Variants in HYDIN observed in about 807,000 individuals in gnomAD.
HYDIN encodes the protein HYDIN axonemal central pair apparatus protein, also known as axonemal central pair apparatus protein HYDIN.
A neutral mutation model predicts 403.9 loss-of-function variants in HYDIN; 132 were observed. The ratio of observed to expected loss-of-function variants is 0.33; its 90% confidence interval spans 0.28 to 0.38. The LOEUF (loss-of-function observed/expected upper bound fraction) is 0.38, where lower values mean the gene tolerates loss of function less well. Among genes scored for constraint, HYDIN ranks in the 10% least tolerant of loss-of-function variants. The pLI is 1.00. For missense variants in HYDIN, 2,827 were observed against 5,009.5 expected, an observed-to-expected ratio of 0.56 and a Z score of 13.15; for synonymous variants, 1,202 against 1,891.7, an observed-to-expected ratio of 0.64 and a Z score of 9.46.
At chr16:71,070,391 T>A (rs1430348724) in intron 13 of HYDIN, among the ~76,000 whole-genome samples, 2 of 149,622 alleles carry the variant, frequency 1.3e-5, no homozygotes, top group Non-Finnish European at 3.0e-5. Flanking sequence ...CAATCTTAAC[T>A]CACCTCAACC....
chr16:71,085,503 T>C (rs2082905989), intron 12 of HYDIN, among the ~76,000 whole-genome samples: 1 of 151,254 alleles, frequency 6.6e-6, no homozygotes, highest in Non-Finnish European at 1.5e-5. Flanking sequence ...TGTTCAACTC[T>C]TCTATTTCCT....
At chr16:71,211,228 T>C (rs981604904) in intron 1 of HYDIN, among the ~76,000 whole-genome samples, 1 of 152,210 alleles carries the variant, frequency 6.6e-6, no homozygotes, top group African/African-American at 2.4e-5. Flanking sequence ...AGGTAAATTC[T>C]GACTCAAATT....
chr16:71,087,629 T>A (rs1393808695), intron 12 of HYDIN: 3 of 135,022 alleles, frequency 2.2e-5, no homozygotes, highest in Non-Finnish European at 4.7e-5. Flanking sequence ...CAGCTAATCT[T>A]GAGATTCTGA....
intron 1 of HYDIN, among the ~76,000 whole-genome samples, chr16:71,211,691 G>C (rs1016286716): frequency 2.7e-5 from 4 of 146,050 alleles, no homozygotes; most frequent in Non-Finnish European, 6.0e-5. Context: ...CATCATTCAA[G>C]ACCACAAAGA....
intron 23 of HYDIN, among the ~76,000 whole-genome samples, chr16:71,012,502 GA>G (rs66573513): frequency 6.6e-6 from 1 of 152,084 alleles, no homozygotes; most frequent in Non-Finnish European, 1.5e-5. Context: ...CCAACTTGGG[GA>G]AAAAAATGTG....
At chr16:70,836,371 G>A (rs972407188) in intron 77 of HYDIN, among the ~76,000 whole-genome samples, 7 of 152,258 alleles carry the variant, frequency 4.6e-5, no homozygotes, top group African/African-American at 1.7e-4. Context: ...TGAGAAGTGG[G>A]AAAACTGGGC....
chr16:71,012,168 C>G (rs2080109460), intron 23 of HYDIN, among the ~76,000 whole-genome samples: 1 of 152,312 alleles, frequency 6.6e-6, no homozygotes, highest in Non-Finnish European at 1.5e-5. Flanking sequence ...TTGTGCTTCT[C>G]TTTCACACAG....
intron 1 of HYDIN, among the ~76,000 whole-genome samples, chr16:71,193,453 A>G (rs2087536186): frequency 6.6e-6 from 1 of 152,238 alleles, no homozygotes; most frequent in African/African-American, 2.4e-5. Context: ...ACTCTTAGGA[A>G]GGAGAACCAG....
intron 19 of HYDIN, among the ~76,000 whole-genome samples, chr16:71,031,194 C>G (rs1179643327): frequency 8.7e-6 from 1 of 114,606 alleles, no homozygotes; most frequent in African/African-American, 3.7e-5. Context: ...AGCAAGACTC[C>G]ATCTCAAAAA....
chr16:70,890,110 G>A (rs1449150042), intron 57 of HYDIN, among the ~76,000 whole-genome samples: 1 of 152,184 alleles, frequency 6.6e-6, no homozygotes, highest in Non-Finnish European at 1.5e-5. Flanking sequence ...TTATAGTTGT[G>A]ATGTTTTTAA....
intron 37 of HYDIN, among the ~76,000 whole-genome samples, chr16:70,962,559 T>C (rs1311510631): frequency 6.6e-6 from 1 of 152,172 alleles, no homozygotes; most frequent in East Asian, 1.9e-4. Flanking sequence ...GGGGTTATAT[T>C]GTACATACTG....
At chr16:71,120,726 TA>T (rs1223059497) in intron 9 of HYDIN, among the ~76,000 whole-genome samples, 1 of 151,958 alleles carries the variant, frequency 6.6e-6, no homozygotes, top group African/African-American at 2.4e-5. Flanking sequence ...CTTGAAAGAT[TA>T]TTTCTTACAA....
intron 18 of HYDIN, among the ~76,000 whole-genome samples, chr16:71,053,249 T>A (rs1167084155): frequency 6.6e-6 from 1 of 152,118 alleles, no homozygotes; most frequent in Non-Finnish European, 1.5e-5. Flanking sequence ...TATAATCACT[T>A]TGGAGAGTAA....
intron 66 of HYDIN, 34 bp downstream of exon 66, chr16:70,868,536 C>A (rs1402033598): frequency 6.3e-7 from 1 of 1,590,400 alleles, no homozygotes. Flanking sequence ...AGCATGGAGG[C>A]CTGGTCAGAT....
Position 70,868,719 on chromosome 16 carries a change from G to C in HYDIN, c.11161C>G (p.Leu3721Val). The change falls in exon 66 of 86, where the codon CTA becomes GTA. Residue 3721 changes from leucine to valine, a missense_variant. Transcript: ENST00000393567. ...VTMKSDVPIN[L>V]KNMRIRCKLS... ...TTGCACCTGATCCGCATATTCTTTA[G>C]GTTGATGGGTACATCTGACTTCATG... 1 of 1,614,052 alleles carries C rather than the reference G, an allele frequency of 6.2e-7. No homozygotes were observed. The highest frequency in any genetic ancestry group is 8.5e-7 in the Non-Finnish European group (1 of 1,180,010).
chr16:71,047,593 G>A (rs2144219535), intron 18 of HYDIN, among the ~76,000 whole-genome samples: 1 of 151,432 alleles, frequency 6.6e-6, no homozygotes, highest in African/African-American at 2.4e-5. Flanking sequence ...AATCCATTTT[G>A]GAATGACCAT....
chr16:70,863,129 T>G lies in HYDIN; in HGVS notation c.11525A>C (p.Glu3842Ala), dbSNP rs2039513919. Reference sequence around the variant, plus strand: ...AAAGCTGACTGCCTTTGAGGTATCTTCTGAGACCCAGCTGAATTCCAGCTG... The same window carrying G: ...AAAGCTGACTGCCTTTGAGGTATCTGCTGAGACCCAGCTGAATTCCAGCTG... Reference protein sequence around the residue: ...RVQLEFSWVSEDTSKAVSFAK... With the variant: ...RVQLEFSWVSADTSKAVSFAK... The change falls in exon 68 of 86, where the codon GAA becomes GCA. Residue 3842 changes from glutamate (E) to alanine (A), a missense_variant. Transcript: ENST00000393567. 4.3e-6 allele frequency: 7 copies of G among 1,614,162 alleles called. No homozygotes were observed. Among genetic ancestry groups the G allele is most frequent in the Non-Finnish European group, 5.1e-6 (6 of 1,180,008 alleles).
chr16:71,069,196 A>G, intron 14 of HYDIN, 71 bp downstream of exon 14: 1 of 1,487,232 alleles, frequency 6.7e-7, no homozygotes, highest in Non-Finnish European at 9.2e-7. Context: ...AGCAAACCCT[A>G]GATGAGGGCC....
Position 70,901,281 on chromosome 16 carries a change from G to C in HYDIN, c.8850-79C>G, listed in dbSNP as rs2076370047. 3.0e-6 allele frequency: 3 copies of C among 994,590 alleles called. No homozygotes were observed. In the African/African-American group the frequency reaches 4.9e-5, roughly 16 times the overall value. 61.6% of individuals were successfully genotyped at this position (994,590 alleles called of 1,614,324 possible). On this transcript the variant is annotated intron_variant, in intron 52 of 85. Coordinates refer to ENST00000393567, the MANE Select transcript of HYDIN (RefSeq NM_001270974.2). ...TGTTTTTTTTTTAACTTTTGTTTTA[G>C]GTTCAGGGGTTCATGTGCAGGTTTG...
Sources: gnomAD v4.1 joint callset for allele counts (sites outside exome capture counted in the v4.1 genomes callset) on GRCh38, gnomAD v4.1.1 for gene constraint, MANE v1.5 for transcripts, NCBI Gene and HGNC (gene_info 2026-07-23, HGNC 2026-07-21) for gene names.